Variants in NCKAP5 observed in about 807,000 individuals in gnomAD.
NCKAP5 encodes the protein NCK associated protein 5, also known as nck-associated protein 5.
NCKAP5 carries 92 observed loss-of-function variants against 167.0 expected under a neutral mutation model. The observed-to-expected ratio is 0.55, with a 90% CI of 0.47 to 0.66. The LOEUF (loss-of-function observed/expected upper bound fraction) is 0.66, where lower values mean the gene tolerates loss of function less well. NCKAP5 is among the 30% of genes least tolerant of loss of function. The pLI, the probability that NCKAP5 is intolerant of heterozygous loss-of-function variation, is 0.00. For synonymous variants in NCKAP5, 891 were observed against 877.4 expected, an observed-to-expected ratio of 1.02 and a Z score of -0.27; for missense variants, 2,378 against 2,315.0, an observed-to-expected ratio of 1.03 and a Z score of -0.56.
At chr2:133,640,997 G>A in the NCKAP5 span, among the ~76,000 whole-genome samples, 1 of 152,094 alleles carries the variant, frequency 6.6e-6, no homozygotes, top group East Asian at 1.9e-4. Context: ...AACAAGAATT[G>A]TACTCAATTT....
intron 3 of NCKAP5, among the ~76,000 whole-genome samples, chr2:133,336,024 A>G (rs749259582): frequency 1.2e-4 from 18 of 152,114 alleles, no homozygotes; most frequent in Non-Finnish European, 2.5e-4. Flanking sequence ...TTTTCATTTT[A>G]CAGAGTCTCA....
At chr2:133,163,082 A>G (rs2083864390) in intron 5 of NCKAP5, among the ~76,000 whole-genome samples, 1 of 152,090 alleles carries the variant, frequency 6.6e-6, no homozygotes, top group African/African-American at 2.4e-5. Context: ...TATACATTTA[A>G]AAAGATGAAA....
chr2:133,510,773 T>C (rs533415796), intron 3 of NCKAP5, among the ~76,000 whole-genome samples: 58 of 152,338 alleles, frequency 3.8e-4, no homozygotes, highest in African/African-American at 1.4e-3. Context: ...TGCAGATGCA[T>C]TGTAGTCTGG....
At chr2:133,655,096 CT>C in the NCKAP5 span, among the ~76,000 whole-genome samples, 2 of 152,188 alleles carry the variant, frequency 1.3e-5, no homozygotes, top group African/African-American at 4.8e-5. Flanking sequence ...ACTTCCATAG[CT>C]AGTGACATCA....
rs112413026 is a variant in NCKAP5, at chr2:133,414,480, G to A, written c.69+102978C>T. Among the ~76,000 whole-genome samples, 959 of 152,248 alleles carry A rather than the reference G, an allele frequency of 6.3e-3. 13 individuals carry two copies. The highest frequency in any genetic ancestry group is 0.022 in the African/African-American group (920 of 41,540). On this transcript the variant is annotated intron_variant, in intron 3 of 19. Transcript: ENST00000409261. The stretch of plus-strand genomic sequence containing the variant: ...CAGCAAAGGGCAAAATAGCCAATGG[G>A]ACGGAGACAGGGAGGATAAATTCAG...
chr2:133,295,379 A>G lies in NCKAP5; in HGVS notation c.143+7658T>C, dbSNP rs183376589. 3.1e-3 allele frequency among the ~76,000 whole-genome samples: 475 copies of G among 152,346 alleles called. 1 individual carries two copies. Among genetic ancestry groups the G allele is most frequent in the Non-Finnish European group, 5.4e-3 (367 of 68,038 alleles). On this transcript the variant is annotated intron_variant, in intron 4 of 19. Coordinates refer to ENST00000409261, the MANE Select transcript of NCKAP5 (RefSeq NM_207363.3). ...AATTTTATATCCAATATTTGCATAT[A>G]CGCAGCACATGTTAGCAGGATTAAT...
chr2:132,683,395 G>A (rs1443826100), intron 19 of NCKAP5, among the ~76,000 whole-genome samples: 3 of 152,160 alleles, frequency 2.0e-5, no homozygotes, highest in Non-Finnish European at 4.4e-5. Context: ...TTTGGCAACA[G>A]CAATTTTCTT....
At chr2:133,460,054 G>C (rs1692107460) in intron 3 of NCKAP5, among the ~76,000 whole-genome samples, 7 of 152,138 alleles carry the variant, frequency 4.6e-5, no homozygotes, top group Admixed American at 3.3e-4. Flanking sequence ...GAAAAAAGGT[G>C]CTATTTGTGA....
chr2:133,220,116 C>T (rs1197736674), intron 4 of NCKAP5, among the ~76,000 whole-genome samples: 1 of 152,150 alleles, frequency 6.6e-6, no homozygotes, highest in African/African-American at 2.4e-5. Context: ...CACTCACATA[C>T]ACATACACCC....
At position 133,450,443 on chromosome 2, in the gene NCKAP5, C is replaced by T. The variant is rs59045943; in HGVS notation, c.69+67015G>A. On this transcript the variant is annotated intron_variant, in intron 3 of 19. Transcript: ENST00000409261. ...ATTCCATTAATGCGGCCTATGGTAA[C>T]ATTACGTTTTTAAAAGCCATTCATA... is the stretch of plus-strand genomic sequence containing the variant. 6.8e-3 allele frequency among the ~76,000 whole-genome samples: 1,040 copies of T among 152,260 alleles called. 15 individuals are homozygous for T. The highest frequency in any genetic ancestry group is 0.024 in the African/African-American group (979 of 41,558).
chr2:133,120,049 G>A lies in NCKAP5; in HGVS notation c.341+9929C>T, dbSNP rs556672403. ...TATTATAAAACACAACTGCTAAAGCGGTTACAGAAAATAAACAAGGAAAAA... is the reference window on the plus strand; with the variant it reads ...TATTATAAAACACAACTGCTAAAGCAGTTACAGAAAATAAACAAGGAAAAA... On this transcript the variant is annotated intron_variant, in intron 6 of 19. Transcript: ENST00000409261. Among the ~76,000 whole-genome samples the A allele has an allele frequency of 5.3e-5, 8 of 152,142 alleles. No individual in the cohort carries two copies. The South Asian group carries it at 6.2e-4, about 12-fold the overall frequency.
intron 3 of NCKAP5, among the ~76,000 whole-genome samples, chr2:133,516,549 G>C (rs1684017759): frequency 6.6e-6 from 1 of 152,206 alleles, no homozygotes; most frequent in East Asian, 1.9e-4. Flanking sequence ...CAGAGCCTCA[G>C]CCGCTAAGAG....
the NCKAP5 span, among the ~76,000 whole-genome samples, chr2:133,622,239 C>T: frequency 6.6e-6 from 1 of 152,090 alleles, no homozygotes; most frequent in East Asian, 1.9e-4. Flanking sequence ...CAAGGATGCC[C>T]ACTTTCACCA....
At chr2:132,827,904 A>T (rs566893815) in intron 11 of NCKAP5, among the ~76,000 whole-genome samples, 1 of 152,318 alleles carries the variant, frequency 6.6e-6, no homozygotes, top group African/African-American at 2.4e-5. Flanking sequence ...TACAAGGCCA[A>T]TGGTTGACCC....
At chr2:133,020,433 G>T (rs142152378) in intron 6 of NCKAP5, among the ~76,000 whole-genome samples, 10 of 152,162 alleles carry the variant, frequency 6.6e-5, no homozygotes, top group African/African-American at 2.2e-4. Context: ...GAGAATAAAA[G>T]ACATGCATAA....
chr2:133,653,367 G>C, the NCKAP5 span, among the ~76,000 whole-genome samples: 1 of 152,230 alleles, frequency 6.6e-6, no homozygotes, highest in Non-Finnish European at 1.5e-5. Flanking sequence ...AAATAAATGG[G>C]AAGGTTCTTC....
At chr2:133,645,463 A>G in the NCKAP5 span, among the ~76,000 whole-genome samples, 1 of 152,212 alleles carries the variant, frequency 6.6e-6, no homozygotes, top group Non-Finnish European at 1.5e-5. Flanking sequence ...ATATAGATGT[A>G]CAGTTGTACA....
At chr2:133,208,727 C>G (rs2086072963) in intron 5 of NCKAP5, among the ~76,000 whole-genome samples, 1 of 152,096 alleles carries the variant, frequency 6.6e-6, no homozygotes, top group Admixed American at 6.5e-5. Flanking sequence ...CATGCTAATG[C>G]AAAGTATTCA....
intron 19 of NCKAP5, among the ~76,000 whole-genome samples, chr2:132,689,428 A>T (rs917011798): frequency 5.9e-5 from 9 of 152,318 alleles, no homozygotes; most frequent in Non-Finnish European, 1.3e-4. Context: ...TTTAATCATG[A>T]TTCCTTCTTT....
Sources: gnomAD v4.1 joint callset for allele counts (sites outside exome capture counted in the v4.1 genomes callset) on GRCh38, gnomAD v4.1.1 for gene constraint, MANE v1.5 for transcripts, NCBI Gene and HGNC (gene_info 2026-07-23, HGNC 2026-07-21) for gene names.